ASIC2: variants seen among roughly 807,000 people sequenced by gnomAD.
ASIC2 encodes acid sensing ion channel subunit 2.
In ASIC2, 25 loss-of-function variants were observed where a neutral mutation model predicts 57.3. The observed-to-expected ratio is 0.44, with a 90% confidence interval of 0.32 to 0.61. The LOEUF is 0.61. Among genes scored for constraint, ASIC2 ranks in the 20% least tolerant of loss-of-function variants. ASIC2 has a pLI of 0.06. For synonymous variants in ASIC2, 319 were observed against 307.5 expected (o/e 1.04, Z -0.39); for missense variants, 641 against 738.1 (o/e 0.87, Z 1.52).
At chr17:33,964,450 A>G (rs1020038947) in intron 1 of ASIC2, among the ~76,000 whole-genome samples, 1 of 152,260 alleles carries the variant, frequency 6.6e-6, no homozygotes, top group South Asian at 2.1e-4. Flanking sequence ...AAGGACTCCC[A>G]GTCCCTCAGA....
intron 1 of ASIC2, among the ~76,000 whole-genome samples, chr17:33,735,433 A>G (rs1340467795): frequency 6.6e-6 from 1 of 152,146 alleles, no homozygotes; most frequent in African/African-American, 2.4e-5. Context: ...GTAGTGACCA[A>G]AGAAAATGCC....
rs573136972 is a variant in ASIC2 at position 33,953,673 on chromosome 17, TCAA to T, written c.555+202302_555+202304del. 1.4e-3 allele frequency among the ~76,000 whole-genome samples: 210 copies of T among 152,256 alleles called. 2 individuals carry two copies. Among genetic ancestry groups the T allele is most frequent in the African/African-American group, 4.9e-3 (204 of 41,542 alleles). On this transcript the variant is annotated intron_variant, in intron 1 of 9. Transcript: ENST00000359872. The stretch of plus-strand genomic sequence containing the variant: ...CAGCCTGGTAAGATCCAGGGAAATT[TCAA>T]CAACAAGGTGGCAATGTGCAGAACC...
chr17:33,854,241 G>A (rs1279685887), intron 1 of ASIC2, among the ~76,000 whole-genome samples: 2 of 152,100 alleles, frequency 1.3e-5, no homozygotes, highest in East Asian at 3.9e-4. Context: ...TGCACTGTAG[G>A]CATGCATGCA....
At chr17:34,015,204 T>C (rs1008510709) in intron 1 of ASIC2, among the ~76,000 whole-genome samples, 2 of 151,518 alleles carry the variant, frequency 1.3e-5, no homozygotes, top group African/African-American at 4.8e-5. Context: ...CAACTATGCC[T>C]AGCCTATCCC....
intron 1 of ASIC2, among the ~76,000 whole-genome samples, chr17:33,221,019 C>A (rs572737456): frequency 3.3e-5 from 5 of 152,222 alleles, no homozygotes; most frequent in East Asian, 1.9e-4. Flanking sequence ...TTGCAGTGAG[C>A]TGACTTACAC....
chr17:34,098,095 T>C (rs1910611065), intron 1 of ASIC2, among the ~76,000 whole-genome samples: 1 of 152,120 alleles, frequency 6.6e-6, no homozygotes, highest in African/African-American at 2.4e-5. Flanking sequence ...GGTTTGGAGC[T>C]GAAGAAAAAT....
intron 1 of ASIC2, among the ~76,000 whole-genome samples, chr17:33,670,791 AC>A (rs1335246740): frequency 6.6e-6 from 1 of 152,126 alleles, no homozygotes; most frequent in Non-Finnish European, 1.5e-5. Context: ...TGGCAGGACA[AC>A]CCCCAGGTAA....
At chr17:33,656,126 A>T (rs963448804) in intron 1 of ASIC2, among the ~76,000 whole-genome samples, 1 of 152,200 alleles carries the variant, frequency 6.6e-6, no homozygotes, top group Non-Finnish European at 1.5e-5. Flanking sequence ...GAAAGAAGAA[A>T]AAAGGCTTTA....
intron 1 of ASIC2, among the ~76,000 whole-genome samples, chr17:33,362,464 G>A (rs968066762): frequency 3.9e-5 from 6 of 152,336 alleles, no homozygotes; most frequent in African/African-American, 4.8e-5. Flanking sequence ...GGAAGGTCAG[G>A]TCTGCAGAGT....
chr17:34,022,498 T>C (rs1907203637), intron 1 of ASIC2, among the ~76,000 whole-genome samples: 1 of 152,034 alleles, frequency 6.6e-6, no homozygotes, highest in Non-Finnish European at 1.5e-5. Context: ...CCCTTGAAAT[T>C]CTCTATATCT....
rs1330774018 is a variant in ASIC2 at position 33,157,222 on chromosome 17, C to T, written c.709-45155G>A. ...CTCTAGACACCCCCAGGGAAACCAA[C>T]CAATCAGGGCTTCTGACAAAATGAA... On this transcript the variant is annotated intron_variant, in intron 1 of 9. Transcript: ENST00000225823. Among the ~76,000 whole-genome samples the T allele has an allele frequency of 2.6e-5, 4 of 152,262 alleles. No individual in the cohort carries two copies. In the East Asian group the frequency reaches 7.7e-4, roughly 29 times the overall value.
At chr17:33,122,251 A>G (rs1277013108) in intron 1 of ASIC2, among the ~76,000 whole-genome samples, 2 of 152,172 alleles carry the variant, frequency 1.3e-5, no homozygotes, top group Non-Finnish European at 2.9e-5. Flanking sequence ...AGCAGACTGG[A>G]GTCAGGGGTG....
intron 1 of ASIC2, among the ~76,000 whole-genome samples, chr17:34,114,028 T>G (rs982012127): frequency 1.3e-5 from 2 of 152,188 alleles, no homozygotes; most frequent in Non-Finnish European, 2.9e-5. Flanking sequence ...GAGCACTTAC[T>G]ATAGTCTAGA....
intron 1 of ASIC2, among the ~76,000 whole-genome samples, chr17:33,853,120 C>T (rs1457165695): frequency 6.6e-6 from 1 of 152,210 alleles, no homozygotes; most frequent in African/African-American, 2.4e-5. Context: ...CTCCCACACA[C>T]AAAGTTAACA....
intron 1 of ASIC2, among the ~76,000 whole-genome samples, chr17:33,459,517 C>T (rs1418672251): frequency 3.9e-5 from 6 of 152,242 alleles, no homozygotes; most frequent in Admixed American, 2.0e-4. Flanking sequence ...AGTAGCTCTG[C>T]ATAACGAGAG....
intron 2 of ASIC2, among the ~76,000 whole-genome samples, chr17:33,097,161 C>T (rs904321699): frequency 3.3e-5 from 5 of 152,338 alleles, no homozygotes; most frequent in Non-Finnish European, 4.4e-5. Context: ...TCACTGACCA[C>T]ATTCTTCATT....
At chr17:33,621,789 A>G (rs1905809924) in intron 1 of ASIC2, among the ~76,000 whole-genome samples, 1 of 152,166 alleles carries the variant, frequency 6.6e-6, no homozygotes, top group Non-Finnish European at 1.5e-5. Flanking sequence ...ATCTTCTACT[A>G]ATTAGATCTT....
chr17:33,883,788 CAAA>C (rs1914760644), intron 1 of ASIC2, among the ~76,000 whole-genome samples: 1 of 152,168 alleles, frequency 6.6e-6, no homozygotes, highest in African/African-American at 2.4e-5. Flanking sequence ...TTCTGTAAAA[CAAA>C]GAAGAAGAAC....
intron 1 of ASIC2, among the ~76,000 whole-genome samples, chr17:33,928,028 G>A (rs1220678581): frequency 6.6e-6 from 1 of 152,176 alleles, no homozygotes; most frequent in Non-Finnish European, 1.5e-5. Context: ...AGTGACAGCA[G>A]GCAAACAGTA....
Sources: allele counts gnomAD v4.1 joint callset (sites outside exome capture counted in the v4.1 genomes callset), GRCh38; gene constraint gnomAD v4.1.1; transcripts MANE v1.5; gene names NCBI Gene and HGNC (gene_info 2026-07-23, HGNC 2026-07-21).